CLSPN: variants seen among roughly 807,000 people sequenced by gnomAD.
The protein encoded by CLSPN is claspin, also known as claspin homolog.
Under a neutral mutation model 156.3 loss-of-function variants are expected in CLSPN, and 85 were observed. That is an observed-to-expected ratio of 0.54 (90% CI 0.46 to 0.65). The LOEUF is 0.65. CLSPN is among the 30% of genes least tolerant of loss of function. The probability of loss-of-function intolerance (pLI) is 0.00; values close to 1 mark genes in which losing one functional copy is unlikely to be tolerated. For missense variants in CLSPN, 1,407 were observed against 1,554.9 expected (o/e 0.90, Z 1.60); for synonymous variants, 534 against 542.4 (o/e 0.98, Z 0.22).
chr1:35,766,990 G>T (rs1348613035), intron 1 of CLSPN, among the ~76,000 whole-genome samples: 1 of 151,774 alleles, frequency 6.6e-6, no homozygotes, highest in Non-Finnish European at 1.5e-5. Context: ...CAGGTGATCC[G>T]CCTGCCTCAG....
chr1:35,736,710 GA>G (rs1203353410), intron 24 of CLSPN, 104 bp from the exon 25 acceptor site: 3 of 1,451,410 alleles, frequency 2.1e-6, no homozygotes, highest in Admixed American at 2.7e-5. Flanking sequence ...ATTAACAACA[GA>G]AAAAAAGAAA....
At position 35,760,807 on chromosome 1, in the gene CLSPN, C is replaced by A. The variant is rs1311163337; in HGVS notation, c.1114G>T (p.Glu372Ter). ...SKGSEQTTGA[E>*]NEVETNALPV... ...AGTGCATTAGTTTCCACTTCATTTTCTGCACCTGTTGTCTGCTCAGAACCT... is the reference window on the plus strand; with the variant it reads ...AGTGCATTAGTTTCCACTTCATTTTATGCACCTGTTGTCTGCTCAGAACCT... Residue 372 changes from glutamate (E) to a stop codon, truncating the protein, a stop_gained, in exon 8 of 25, where the codon GAA becomes TAA. Transcript: ENST00000318121. LOFTEE classifies it high-confidence loss of function. 6.2e-7 allele frequency: 1 copy of A among 1,613,802 alleles called. No individual in the cohort carries two copies. The highest frequency in any genetic ancestry group is 8.5e-7 in the Non-Finnish European group (1 of 1,180,008).
At chr1:35,754,241 A>G (rs913147411) in intron 8 of CLSPN, among the ~76,000 whole-genome samples, 3 of 152,230 alleles carry the variant, frequency 2.0e-5, no homozygotes, top group Non-Finnish European at 4.4e-5. Flanking sequence ...AAATTCTTTA[A>G]AAGTATTAAA....
intron 9 of CLSPN, among the ~76,000 whole-genome samples, chr1:35,751,772 T>C (rs1642094004): frequency 6.6e-6 from 1 of 152,030 alleles, no homozygotes; most frequent in Admixed American, 6.6e-5. Flanking sequence ...GAGCTTCAAG[T>C]CTGTGGCTCA....
rs776134824 is a variant in CLSPN, at chr1:35,760,840, G to A, written c.1081C>T (p.His361Tyr). Residue 361 changes from histidine to tyrosine, a missense_variant, in exon 8 of 25, where the codon CAT becomes TAT. Around this residue, in one of 3 missense-constraint regions of CLSPN, gnomAD observed 1,096 missense variants for 1,193.0 expected, o/e 0.92. Coordinates refer to ENST00000318121, the MANE Select transcript of CLSPN (RefSeq NM_022111.4). The part of the protein sequence containing the change: ...ANTTEMNSDH[H>Y]SKGSEQTTGA... ...GTTGTCTGCTCAGAACCTTTACTAT[G>A]GTGATCACTGTTCATTTCAGTAGTA... The A allele has an allele frequency of 6.2e-7, 1 of 1,613,840 alleles. No homozygotes were observed. Among genetic ancestry groups the A allele is most frequent in the East Asian group, 2.2e-5 (1 of 44,886 alleles).
intron 21 of CLSPN, 22 bp from the exon 22 acceptor site, chr1:35,738,119 T>TA: frequency 2.7e-6 from 1 of 366,612 alleles, no homozygotes; most frequent in Non-Finnish European, 3.6e-6. Context: ...AAAAAATATA[T>TA]ATATATATAT....
intron 6 of CLSPN, among the ~76,000 whole-genome samples, chr1:35,761,566 C>T (rs1413118278): frequency 1.3e-5 from 2 of 152,140 alleles, no homozygotes; most frequent in African/African-American, 4.8e-5. Context: ...GGTACTAAAC[C>T]ATGCAGTGTT....
At position 35,739,367 on chromosome 1, in the gene CLSPN, G is replaced by T; in HGVS notation, c.3306C>A (p.His1102Gln). The change falls in exon 19 of 25, where the codon CAC becomes CAA. Residue 1102 changes from histidine (H) to glutamine (Q), a missense_variant and splice_region_variant. Around this residue, in one of 3 missense-constraint regions of CLSPN, gnomAD observed 70 missense variants for 121.5 expected, o/e 0.58. Transcript: ENST00000318121. ...EELQSQIKKI[H>Q]MKTMLDDDKR... ...GAAGGGCTTATTGGGATACTGACAT[G>T]TGTATTTTCTTGATTTGACTCTGCA... The T allele has an allele frequency of 6.2e-7, 1 of 1,613,970 alleles. No homozygotes were observed. Among genetic ancestry groups the T allele is most frequent in the Non-Finnish European group, 8.5e-7 (1 of 1,179,914 alleles).
In CLSPN at chr1:35,760,425, T is replaced by C. The variant is rs1370170919; in HGVS notation, c.1496A>G (p.Gln499Arg). 2 of 1,614,236 alleles carry C rather than the reference T, an allele frequency of 1.2e-6. No individual in the cohort carries two copies. Among genetic ancestry groups the C allele is most frequent in the South Asian group, 2.2e-5 (2 of 91,086 alleles). ...VRRFTLDRLK[Q>R]LGVDVSIKPR... ...TTTAATGGAAACATCTACTCCCAGT[T>C]GCTTAAGTCTATCCAGAGTAAACCG... Residue 499 changes from glutamine to arginine, a missense_variant, in exon 8 of 25, where the codon CAA (glutamine) becomes CGA (arginine). Transcript: ENST00000318121.
downstream of CLSPN, among the ~76,000 whole-genome samples, chr1:35,727,245 G>C (rs912425463): frequency 6.6e-6 from 1 of 152,176 alleles, no homozygotes; most frequent in Non-Finnish European, 1.5e-5. Context: ...GAATGAGCAG[G>C]AGTGGCCAGA....
chr1:35,762,905 A>G lies in CLSPN; in HGVS notation c.744+255T>C, dbSNP rs192647595. ...CCCTATTATTTACCTGCATCTTACTACACCATCAAATATCTTAGTGGTTTT... is the reference window on the plus strand; with the variant it reads ...CCCTATTATTTACCTGCATCTTACTGCACCATCAAATATCTTAGTGGTTTT... On this transcript the variant is annotated intron_variant, in intron 4 of 24. Coordinates refer to ENST00000318121, the MANE Select transcript of CLSPN (RefSeq NM_022111.4). Among the ~76,000 whole-genome samples the G allele has an allele frequency of 8.5e-5, 13 of 152,098 alleles. No homozygotes were observed. In the East Asian group the frequency reaches 2.1e-3, roughly 25 times the overall value.
At position 35,736,435 on chromosome 1, in the gene CLSPN, C is replaced by A; in HGVS notation, c.*61G>T. 2.7e-6 allele frequency: 4 copies of A among 1,491,546 alleles called. No homozygotes were observed. Among genetic ancestry groups the A allele is most frequent in the Admixed American group, 2.4e-5 (1 of 42,282 alleles). The allele number at this position is 1,491,546 out of a possible 1,614,324, so 92.4% of individuals were successfully genotyped here. A position where few individuals can be genotyped will look rare whatever the true frequency, so the allele number is the denominator to read the frequency against. On this transcript the variant is annotated 3_prime_UTR_variant, in exon 25 of 25. Transcript: ENST00000318121. ...TCATTGGCTGGAGTGTCAATTCCAACTTTCAGTGCTAGAAACTTCTCAAAG... is the reference window on the plus strand; with the variant it reads ...TCATTGGCTGGAGTGTCAATTCCAAATTTCAGTGCTAGAAACTTCTCAAAG...
Position 35,736,336 on chromosome 1 carries a change from CCAGAG to C in CLSPN, c.*155_*159del. On this transcript the variant is annotated 3_prime_UTR_variant, in exon 25 of 25. Coordinates refer to ENST00000318121, the MANE Select transcript of CLSPN (RefSeq NM_022111.4). ...GGAATAATACTAGGAAAAGAGATGT[CCAGAG>C]CTGTGCAGTAGAAATCACTGGAATT... The C allele has an allele frequency of 7.6e-7, 1 of 1,311,638 alleles. No individual in the cohort carries two copies. The highest frequency in any genetic ancestry group is 9.7e-7 in the Non-Finnish European group (1 of 1,031,334). 81.2% of individuals were successfully genotyped at this position (1,311,638 alleles called of 1,614,324 possible).
In CLSPN at chr1:35,749,701, G is replaced by C; in HGVS notation, c.2139C>G (p.Leu713=). 1 of 1,614,150 alleles carries C rather than the reference G, an allele frequency of 6.2e-7. No homozygotes were observed. The highest frequency in any genetic ancestry group is 8.5e-7 in the Non-Finnish European group (1 of 1,180,008). The change falls in exon 11 of 25, where the codon CTC becomes CTG. Residue 713 remains leucine, a synonymous_variant. Coordinates refer to ENST00000318121, the MANE Select transcript of CLSPN (RefSeq NM_022111.4). ...CTGATGAGAGAGACTTGGGAACAGA[G>C]AGGAAGCCAACTGCCTTGCCAATTT... ...SSEIGKAVGF[L]SVPKSLSSDS...
chr1:35,736,917 A>G lies in CLSPN; in HGVS notation c.3906T>C (p.Ser1302=). 1.9e-6 allele frequency: 3 copies of G among 1,613,448 alleles called. No homozygotes were observed. Among genetic ancestry groups the G allele is most frequent in the Non-Finnish European group, 2.5e-6 (3 of 1,179,758 alleles). The change falls in exon 24 of 25, where the codon TCT becomes TCC. Residue 1302 remains serine, a synonymous_variant. Transcript: ENST00000318121. ...KAEAAKESSK[S]QVKKRGPSFM... is the part of the protein sequence containing the mutation. ...TATTAGTTCTCAAATTCCATACCTG[A>G]GACTTAGACGATTCCTTTGCCGCCT...
At chr1:35,768,411 ATT>A (rs150239685) in intron 1 of CLSPN, among the ~76,000 whole-genome samples, 17 of 146,394 alleles carry the variant, frequency 1.2e-4, no homozygotes, top group African/African-American at 2.3e-4. Flanking sequence ...CAAGGTACAA[ATT>A]TTTTTTTTTT....
chr1:35,746,625 T>C lies in CLSPN; in HGVS notation c.2854+141A>G, dbSNP rs1641890044. On this transcript the variant is annotated intron_variant, in intron 15 of 24. Transcript: ENST00000318121. The surrounding 1 kb of genome is among the most constrained non-coding windows in gnomAD (Gnocchi z 4.2). ...GTTGCCCAGGCTGGTCTCAAACTTC[T>C]GAGCTCAAGCGATCCATCCAACTTA... The C allele has an allele frequency of 3.2e-6, 2 of 621,660 alleles. No homozygotes were observed. The highest frequency in any genetic ancestry group is 2.9e-4 in the Middle Eastern group (1 of 3,416). The allele number at this position is 621,660 out of a possible 1,614,324, so 38.5% of individuals were successfully genotyped here. A position where few individuals can be genotyped will look rare whatever the true frequency, so the allele number is the denominator to read the frequency against.
intron 10 of CLSPN, among the ~76,000 whole-genome samples, chr1:35,750,737 G>A (rs961852047): frequency 2.0e-5 from 3 of 151,976 alleles, no homozygotes; most frequent in Non-Finnish European, 4.4e-5. Context: ...ATCATCACCT[G>A]TTTTCCCTAG....
rs535069545 is a variant in CLSPN, at chr1:35,763,294, C to T, written c.610G>A (p.Asp204Asn). The change falls in exon 4 of 25, where the codon GAC (aspartate) becomes AAC (asparagine). Residue 204 changes from aspartate to asparagine, a missense_variant. By Grantham distance (23) the Asp-to-Asn change is conservative. Around this residue, in one of 3 missense-constraint regions of CLSPN, gnomAD observed 1,096 missense variants for 1,193.0 expected, o/e 0.92. Transcript: ENST00000318121. ...QEDDVEQPFN[D>N]SGCLLVDKDL... ...TTATCCACAAGAAGACAGCCACTGT[C>T]ATTAAATGGCTGTTCTACATCATCT... 1.6e-5 allele frequency: 26 copies of T among 1,596,414 alleles called. No homozygotes were observed. The highest frequency in any genetic ancestry group is 2.1e-5 in the Non-Finnish European group (25 of 1,175,020).
Sources: allele counts gnomAD v4.1 joint callset (sites outside exome capture counted in the v4.1 genomes callset), GRCh38; gene constraint gnomAD v4.1.1; regional missense constraint gnomAD v4.1.1; non-coding constraint Gnocchi (gnomAD v3.1); transcripts MANE v1.5; gene names NCBI Gene and HGNC (gene_info 2026-07-23, HGNC 2026-07-21).